The following RAP1GDS1 variants were observed in gnomAD, a reference collection of about 807,000 sequenced individuals.
RAP1GDS1 encodes Rap1 GTPase-GDP dissociation stimulator 1.
A neutral mutation model predicts 71.1 loss-of-function variants in RAP1GDS1; 35 were observed. That is an observed-to-expected ratio of 0.49 (90% confidence interval 0.38 to 0.65). RAP1GDS1 has a LOEUF of 0.65. Ranked by LOEUF, RAP1GDS1 falls within the 30% of genes least tolerant of loss-of-function variation. The pLI is 0.00. For synonymous variants in RAP1GDS1, 229 were observed against 243.1 expected (o/e 0.94, Z 0.54); for missense variants, 663 against 706.1 (o/e 0.94, Z 0.69).
rs574842025 is a variant in RAP1GDS1 at position 98,318,735 on chromosome 4, A to G, written c.113-24404A>G. On this transcript the variant is annotated intron_variant, in intron 2 of 14. Transcript: ENST00000408927. Reference sequence around the variant, plus strand: ...GATAATGTTGATGTCTGTGTCAACAACTAATGGGCAGGTAGCATATACAGC... The same window carrying G: ...GATAATGTTGATGTCTGTGTCAACAGCTAATGGGCAGGTAGCATATACAGC... Among the ~76,000 whole-genome samples the G allele has an allele frequency of 1.5e-3, 223 of 152,332 alleles. 1 individual carries two copies. The highest frequency in any genetic ancestry group is 2.8e-3 in the Non-Finnish European group (192 of 68,014).
At chr4:98,348,993 T>A (rs1032162600) in intron 3 of RAP1GDS1, among the ~76,000 whole-genome samples, 12 of 152,202 alleles carry the variant, frequency 7.9e-5, no homozygotes, top group African/African-American at 2.9e-4. Flanking sequence ...TTGTCAATTT[T>A]GGTTTTTGTT....
intron 1 of RAP1GDS1, among the ~76,000 whole-genome samples, chr4:98,268,917 A>G (rs1723059085): frequency 6.6e-6 from 1 of 152,166 alleles, no homozygotes; most frequent in Non-Finnish European, 1.5e-5. Flanking sequence ...ATCCCTATCA[A>G]AATTCCAGTG....
intron 2 of RAP1GDS1, among the ~76,000 whole-genome samples, chr4:98,317,935 T>A (rs1365812130): frequency 1.3e-5 from 2 of 151,462 alleles, no homozygotes; most frequent in Non-Finnish European, 2.9e-5. Context: ...CTCTGCCTCC[T>A]GGGTTCAACT....
chr4:98,389,859 A>G (rs1169344330), intron 5 of RAP1GDS1, among the ~76,000 whole-genome samples: 3 of 152,176 alleles, frequency 2.0e-5, no homozygotes, highest in African/African-American at 7.2e-5. Flanking sequence ...TATCTTCTCC[A>G]TAAAATGTGT....
intron 5 of RAP1GDS1, among the ~76,000 whole-genome samples, chr4:98,385,887 A>G (rs17027543): frequency 0.15 from 22,052 of 151,774 alleles, 2,354 homozygotes; most frequent in African/African-American, 0.3. Context: ...TACACGTTGG[A>G]ATATAAATTA....
intron 4 of RAP1GDS1, among the ~76,000 whole-genome samples, chr4:98,366,217 C>T (rs774137679): frequency 2.0e-5 from 3 of 152,074 alleles, no homozygotes; most frequent in Non-Finnish European, 2.9e-5. Flanking sequence ...ATGCTATTTT[C>T]GTGATAGTAA....
chr4:98,381,820 G>GT (rs1742062657), intron 5 of RAP1GDS1, among the ~76,000 whole-genome samples: 1 of 151,370 alleles, frequency 6.6e-6, no homozygotes, highest in African/African-American at 2.4e-5. Context: ...TGTATAAAAT[G>GT]TTTAAAGTAT....
At chr4:98,417,626 A>T (rs1448214655) in intron 9 of RAP1GDS1, 128 bp downstream of exon 9, 1 of 832,762 alleles carries the variant, frequency 1.2e-6, no homozygotes, top group African/African-American at 1.7e-5. Context: ...TGCTAACTTA[A>T]TTTTTCAGAA....
chr4:98,327,025 C>T (rs1157238746), intron 2 of RAP1GDS1, among the ~76,000 whole-genome samples: 4 of 152,164 alleles, frequency 2.6e-5, no homozygotes, highest in Non-Finnish European at 5.9e-5. Flanking sequence ...GTTTATGAAG[C>T]TCATTCTACT....
rs397994660 is a variant in RAP1GDS1, at chr4:98,443,015, A to ATT, written c.*920_*921dup. ...TGAGTATAGTTCATTGAAGAATGGA[A>ATT]TTTTTTTTTTTTTTTTTTTTTTTGC... On this transcript the variant is annotated 3_prime_UTR_variant, in exon 15 of 15. Coordinates refer to ENST00000408927, the MANE Select transcript of RAP1GDS1 (RefSeq NM_001100427.2). The ATT allele has an allele frequency of 0.015, 1,998 of 137,246 alleles. 21 individuals carry two copies. The highest frequency in any genetic ancestry group is 0.032 in the East Asian group (312 of 9,670). 8.5% of individuals were successfully genotyped at this position (137,246 alleles called of 1,614,324 possible). A position where few individuals can be genotyped will look rare whatever the true frequency, so the allele number is the denominator to read the frequency against.
intron 5 of RAP1GDS1, among the ~76,000 whole-genome samples, chr4:98,385,998 C>T (rs1240436780): frequency 6.6e-6 from 1 of 151,378 alleles, no homozygotes; most frequent in Non-Finnish European, 1.5e-5. Context: ...AAAGCAGAGA[C>T]TGAATTGGTT....
chr4:98,439,755 T>C (rs1279436204), intron 14 of RAP1GDS1, among the ~76,000 whole-genome samples: 2 of 152,272 alleles, frequency 1.3e-5, no homozygotes, highest in African/African-American at 2.4e-5. Flanking sequence ...CATTTGCTTC[T>C]TCTTTATATC....
chr4:98,301,277 T>C lies in RAP1GDS1; in HGVS notation c.112+7762T>C, dbSNP rs188339712. On this transcript the variant is annotated intron_variant, in intron 2 of 14. Coordinates refer to ENST00000408927, the MANE Select transcript of RAP1GDS1 (RefSeq NM_001100427.2). ...CATGAGGGCTTAGCACTGGTGCTCC[T>C]TATGAAGTAGTGAAGATTCAGTTTT... Among the ~76,000 whole-genome samples, 413 of 152,268 alleles carry C rather than the reference T, an allele frequency of 2.7e-3. 4 individuals carry two copies. The highest frequency in any genetic ancestry group is 9.6e-3 in the African/African-American group (399 of 41,548).
chr4:98,419,948 C>G, intron 10 of RAP1GDS1, 71 bp from the exon 11 acceptor site: 1 of 1,292,150 alleles, frequency 7.7e-7, no homozygotes, highest in Non-Finnish European at 1.0e-6. Flanking sequence ...CTTAATAAAC[C>G]TGTATTGAAT....
chr4:98,399,942 G>A (rs1745126653), intron 6 of RAP1GDS1, among the ~76,000 whole-genome samples: 2 of 152,084 alleles, frequency 1.3e-5, no homozygotes, highest in African/African-American at 4.8e-5. Context: ...ATCACTTGAT[G>A]CCAGGAGTTT....
chr4:98,278,521 T>C (rs1185107500), intron 1 of RAP1GDS1, among the ~76,000 whole-genome samples: 1 of 152,218 alleles, frequency 6.6e-6, no homozygotes, highest in Non-Finnish European at 1.5e-5. Flanking sequence ...ATGATCTATA[T>C]AGTCACTAAT....
intron 6 of RAP1GDS1, among the ~76,000 whole-genome samples, chr4:98,394,493 TTA>T (rs2110133223): frequency 6.6e-6 from 1 of 152,176 alleles, no homozygotes; most frequent in East Asian, 1.9e-4. Flanking sequence ...ATAAGGAGTC[TTA>T]TGTTTTACAG....
intron 1 of RAP1GDS1, among the ~76,000 whole-genome samples, chr4:98,267,264 T>C (rs1722820695): frequency 6.6e-6 from 1 of 152,118 alleles, no homozygotes; most frequent in Non-Finnish European, 1.5e-5. Context: ...TTTCCCTTCA[T>C]TGTTTGGAAA....
chr4:98,337,455 C>T (rs1292288339), intron 2 of RAP1GDS1, among the ~76,000 whole-genome samples: 1 of 152,188 alleles, frequency 6.6e-6, no homozygotes, highest in Admixed American at 6.5e-5. Context: ...GAAGAAATCA[C>T]AAAAGCTGGT....
Sources: allele counts gnomAD v4.1 joint callset (sites outside exome capture counted in the v4.1 genomes callset), GRCh38; gene constraint gnomAD v4.1.1; transcripts MANE v1.5; gene names NCBI Gene and HGNC (gene_info 2026-07-23, HGNC 2026-07-21).